EDA: variants seen among roughly 807,000 people sequenced by gnomAD.
The protein encoded by EDA is ectodysplasin-A.
Under a neutral mutation model 23.6 loss-of-function variants are expected in EDA, and 2 were observed. The observed-to-expected ratio is 0.08, with a 90% CI of 0.03 to 0.27. EDA has a LOEUF of 0.27. EDA is among the 10% of genes least tolerant of loss of function. The probability of loss-of-function intolerance (pLI) is 1.00; values close to 1 mark genes in which losing one functional copy is unlikely to be tolerated. For synonymous variants in EDA, 131 were observed against 132.0 expected (o/e 0.99, Z 0.05); for missense variants, 229 against 324.2 (o/e 0.71, Z 2.26).
chrX:69,752,727 G>T (rs1033729597), intron 1 of EDA, among the ~76,000 whole-genome samples: 1 of 111,803 alleles, frequency 8.9e-6, no homozygotes, highest in African/African-American at 3.3e-5. Context: ...TGGTTGGTAG[G>T]CTATTAATTA....
chrX:70,023,259 TA>T lies in EDA; in HGVS notation c.526+22del. 9.1e-7 allele frequency: 1 copy of T among 1,103,882 alleles called. No homozygotes were observed. The highest frequency in any genetic ancestry group is 1.2e-6 in the Non-Finnish European group (1 of 804,217). 91.0% of individuals were successfully genotyped at this position (1,103,882 alleles called of 1,213,427 possible). ...GAAAAAGGGTAAGTTCCTGACTTTATAAAATTGCTGTCTTGTCATATATTTT... is the reference window on the plus strand; with the variant it reads ...GAAAAAGGGTAAGTTCCTGACTTTATAAATTGCTGTCTTGTCATATATTTT... On this transcript the variant is annotated intron_variant, in intron 3 of 7. Transcript: ENST00000374552.
chrX:69,954,199 A>G (rs1305649869), intron 1 of EDA, among the ~76,000 whole-genome samples: 1 of 111,227 alleles, frequency 9.0e-6, no homozygotes, highest in African/African-American at 3.3e-5. Context: ...CTCACCTCCT[A>G]CCACTTATTC....
intron 1 of EDA, among the ~76,000 whole-genome samples, chrX:69,798,205 T>A (rs186734331): frequency 2.2e-4 from 24 of 110,971 alleles, no homozygotes; most frequent in Non-Finnish European, 1.9e-5. Context: ...TAGGCTTAAA[T>A]GCAATAATAG....
intron 1 of EDA, among the ~76,000 whole-genome samples, chrX:69,824,130 G>A (rs1403225903): frequency 9.3e-6 from 1 of 107,076 alleles, no homozygotes; most frequent in African/African-American, 3.4e-5. Flanking sequence ...GTCAGGTAGT[G>A]TGATGCCTCC....
At chrX:69,869,257 G>T (rs914698138) in intron 1 of EDA, among the ~76,000 whole-genome samples, 6 of 110,868 alleles carry the variant, frequency 5.4e-5, no homozygotes, top group African/African-American at 2.0e-4. Flanking sequence ...TGGACCCACT[G>T]TAAGTCTGAC....
intron 1 of EDA, among the ~76,000 whole-genome samples, chrX:69,633,004 CT>C (rs1293268916): frequency 1.8e-5 from 2 of 111,447 alleles, no homozygotes; most frequent in Admixed American, 1.9e-4. Flanking sequence ...CCCTTTCCTA[CT>C]TCTGTAAATA....
chrX:69,794,885 G>A (rs1373566010), intron 1 of EDA, among the ~76,000 whole-genome samples: 1 of 111,830 alleles, frequency 8.9e-6, no homozygotes, highest in Non-Finnish European at 1.9e-5. Context: ...TGTATGGAGG[G>A]GCAGAGATGA....
At chrX:69,767,704 A>G (rs1404813090) in intron 1 of EDA, among the ~76,000 whole-genome samples, 3 of 111,959 alleles carry the variant, frequency 2.7e-5, no homozygotes, top group African/African-American at 9.7e-5. Flanking sequence ...TTGTGTACAC[A>G]TGCTTTTATT....
chrX:69,834,260 G>T (rs1033681262), intron 1 of EDA, among the ~76,000 whole-genome samples: 2 of 110,686 alleles, frequency 1.8e-5, no homozygotes, highest in African/African-American at 3.3e-5. Context: ...GGATATCCTT[G>T]TTAACCTTCT....
intron 2 of EDA, among the ~76,000 whole-genome samples, chrX:70,016,533 C>T (rs987146759): frequency 1.8e-5 from 2 of 111,457 alleles, no homozygotes; most frequent in African/African-American, 6.5e-5. Context: ...GAAATCATAC[C>T]AACCACACTG....
intron 1 of EDA, among the ~76,000 whole-genome samples, chrX:69,910,370 AGAGAGTGTGT>A (rs1161023292): frequency 1.1e-3 from 49 of 46,140 alleles, no homozygotes; most frequent in African/African-American, 2.7e-3. Flanking sequence ...AGAGAGAGAG[AGAGAGTGTGT>A]GTGTGTGTGT....
intron 1 of EDA, among the ~76,000 whole-genome samples, chrX:69,805,296 C>T (rs892681107): frequency 9.0e-6 from 1 of 111,360 alleles, no homozygotes; most frequent in Non-Finnish European, 1.9e-5. Flanking sequence ...TTCAAAGGAA[C>T]CATATCTGCC....
At chrX:69,882,848 A>G (rs2017769843) in intron 1 of EDA, among the ~76,000 whole-genome samples, 1 of 110,949 alleles carries the variant, frequency 9.0e-6, no homozygotes, top group Non-Finnish European at 1.9e-5. Flanking sequence ...GATTACAGGC[A>G]TGCGCCACCA....
chrX:69,755,948 C>T (rs1417651302), intron 1 of EDA, among the ~76,000 whole-genome samples: 1 of 112,097 alleles, frequency 8.9e-6, no homozygotes, highest in Non-Finnish European at 1.9e-5. Flanking sequence ...TCCCAATTTT[C>T]CAGGTACCAT....
intron 2 of EDA, among the ~76,000 whole-genome samples, chrX:69,982,463 G>C (rs1419481488): frequency 9.0e-6 from 1 of 111,033 alleles, no homozygotes; most frequent in African/African-American, 3.3e-5. Flanking sequence ...AAGGCATCTT[G>C]CATGCCTTTC....
At chrX:70,011,897 T>C (rs1217805884) in intron 2 of EDA, among the ~76,000 whole-genome samples, 1 of 111,804 alleles carries the variant, frequency 8.9e-6, no homozygotes, top group African/African-American at 3.3e-5. Context: ...TCCCCTAATT[T>C]AGCAGTTGAA....
chrX:69,712,096 A>T (rs1340340544), intron 1 of EDA, among the ~76,000 whole-genome samples: 3 of 110,341 alleles, frequency 2.7e-5, no homozygotes, highest in Non-Finnish European at 3.8e-5. Context: ...TAGAGTGTCA[A>T]TTTTAGATCT....
At chrX:69,956,019 C>G (rs910537273) in intron 1 of EDA, among the ~76,000 whole-genome samples, 1 of 111,872 alleles carries the variant, frequency 8.9e-6, no homozygotes, top group Non-Finnish European at 1.9e-5. Context: ...TTATCAGAGA[C>G]CATTATAAGA....
chrX:70,009,290 C>T (rs1409497131), intron 2 of EDA, among the ~76,000 whole-genome samples: 1 of 110,981 alleles, frequency 9.0e-6, no homozygotes, highest in South Asian at 3.8e-4. Context: ...ATTTTTATTA[C>T]TTCCTTTCTT....
Sources: allele counts gnomAD v4.1 joint callset (sites outside exome capture counted in the v4.1 genomes callset), GRCh38; gene constraint gnomAD v4.1.1; transcripts MANE v1.5; gene names NCBI Gene and HGNC (gene_info 2026-07-23, HGNC 2026-07-21).